The following NRXN3 variants were observed in gnomAD, a reference collection of about 807,000 sequenced individuals.
NRXN3 encodes neurexin 3, also known as neurexin III.
In NRXN3, 32 loss-of-function variants were observed where a neutral mutation model predicts 137.6. The observed-to-expected ratio is 0.23, with a 90% CI of 0.18 to 0.31. NRXN3 has a LOEUF of 0.31. Among genes scored for constraint, NRXN3 ranks in the 10% least tolerant of loss-of-function variants. The probability of loss-of-function intolerance (pLI) is 1.00; values close to 1 mark genes in which losing one functional copy is unlikely to be tolerated. For synonymous variants in NRXN3, 798 were observed against 784.5 expected, an observed-to-expected ratio of 1.02 and a Z score of -0.29; for missense variants, 1,574 against 2,062.5, an observed-to-expected ratio of 0.76 and a Z score of 4.59.
At chr14:78,442,937 A>G (rs2094306095) in intron 4 of NRXN3, among the ~76,000 whole-genome samples, 1 of 152,200 alleles carries the variant, frequency 6.6e-6, no homozygotes, top group Non-Finnish European at 1.5e-5. Flanking sequence ...TATTTATGGT[A>G]AACCTGAGAG....
At chr14:79,628,202 T>C (rs563651597) in intron 16 of NRXN3, among the ~76,000 whole-genome samples, 4 of 152,292 alleles carry the variant, frequency 2.6e-5, no homozygotes, top group Admixed American at 2.0e-4. Context: ...ATATGATCAA[T>C]TCAAATTGAC....
At chr14:79,676,598 AGAAAG>A (rs547677996) in intron 17 of NRXN3, among the ~76,000 whole-genome samples, 4 of 151,974 alleles carry the variant, frequency 2.6e-5, no homozygotes, top group Non-Finnish European at 5.9e-5. Context: ...CAAAGAAGAA[AGAAAG>A]GAAAGGGAGA....
intron 19 of NRXN3, among the ~76,000 whole-genome samples, chr14:79,699,898 G>A (rs2098748610): frequency 6.6e-6 from 1 of 151,956 alleles, no homozygotes; most frequent in Non-Finnish European, 1.5e-5. Context: ...CATCCTCTTG[G>A]AGGAAAGCCA....
At chr14:78,403,192 T>C (rs961949017) in intron 4 of NRXN3, among the ~76,000 whole-genome samples, 3 of 152,216 alleles carry the variant, frequency 2.0e-5, no homozygotes, top group Non-Finnish European at 4.4e-5. Flanking sequence ...CTTTTGCAGC[T>C]ACCTTGAAAC....
intron 10 of NRXN3, among the ~76,000 whole-genome samples, chr14:78,881,750 C>CT (rs1403099005): frequency 6.6e-6 from 1 of 151,724 alleles, no homozygotes; most frequent in Non-Finnish European, 1.5e-5. Context: ...AAATTTGTAG[C>CT]TTGCTGATGT....
At chr14:79,576,025 A>G (rs919961156) in intron 16 of NRXN3, among the ~76,000 whole-genome samples, 1 of 152,188 alleles carries the variant, frequency 6.6e-6, no homozygotes, top group Non-Finnish European at 1.5e-5. Flanking sequence ...CCAAAATGGT[A>G]TTCTTCTTAT....
At chr14:78,837,686 G>T (rs998337832) in intron 10 of NRXN3, among the ~76,000 whole-genome samples, 2 of 152,036 alleles carry the variant, frequency 1.3e-5, no homozygotes, top group East Asian at 1.9e-4. Flanking sequence ...GGTTCTTCTG[G>T]TCTCAGGCTT....
At chr14:79,131,639 G>C (rs572159923) in intron 15 of NRXN3, among the ~76,000 whole-genome samples, 24 of 152,318 alleles carry the variant, frequency 1.6e-4, no homozygotes, top group African/African-American at 5.8e-4. Flanking sequence ...TTGTTTGTCT[G>C]TGCCCTGCCC....
intron 15 of NRXN3, among the ~76,000 whole-genome samples, chr14:79,323,656 G>A (rs1054328922): frequency 5.3e-5 from 8 of 151,846 alleles, no homozygotes; most frequent in African/African-American, 9.7e-5. Flanking sequence ...CCAAGAGATC[G>A]AGACCATCCT....
chr14:79,105,188 C>T (rs1435846337), intron 15 of NRXN3, among the ~76,000 whole-genome samples: 1 of 151,992 alleles, frequency 6.6e-6, no homozygotes, highest in African/African-American at 2.4e-5. Flanking sequence ...CATAGATATG[C>T]CACCATCAGA....
rs778349698 is a variant in NRXN3 at position 78,242,679 on chromosome 14, C to T, written c.-415C>T. The stretch of plus-strand genomic sequence containing the variant: ...TCCCTGGCTGGGGCATTTGGGGGTC[C>T]GCTGGGAGGAGTGCATCGCTGAAGG... On this transcript the variant is annotated 5_prime_UTR_variant, in exon 2 of 21. Transcript: ENST00000335750. The T allele has an allele frequency of 6.0e-5, 10 of 167,120 alleles. No individual in the cohort carries two copies. Among genetic ancestry groups the T allele is most frequent in the East Asian group, 5.2e-4 (3 of 5,722 alleles). 10.4% of individuals were successfully genotyped at this position (167,120 alleles called of 1,614,324 possible).
chr14:78,947,183 G>A lies in NRXN3; in HGVS notation c.2276-10059G>A, dbSNP rs528148438. Among the ~76,000 whole-genome samples, 9 of 152,260 alleles carry A rather than the reference G, an allele frequency of 5.9e-5. No individual in the cohort carries two copies. In the East Asian group the frequency reaches 1.2e-3, roughly 20 times the overall value. On this transcript the variant is annotated intron_variant, in intron 10 of 20. Coordinates refer to ENST00000335750, the MANE Select transcript of NRXN3 (RefSeq NM_001330195.2). The stretch of plus-strand genomic sequence containing the variant: ...GCCAGGAGTAAGACCATTCTGTGTG[G>A]CAGCTACCTCTGTCCACAGTGGGTG...
chr14:79,579,307 T>C (rs1299457967), intron 16 of NRXN3, among the ~76,000 whole-genome samples: 1 of 147,828 alleles, frequency 6.8e-6, no homozygotes, highest in Non-Finnish European at 1.5e-5. Flanking sequence ...TAAATGTTGG[T>C]TTAAGCAAAT....
intron 6 of NRXN3, among the ~76,000 whole-genome samples, chr14:78,657,997 C>T (rs1251687348): frequency 2.0e-5 from 3 of 152,102 alleles, no homozygotes; most frequent in Non-Finnish European, 4.4e-5. Flanking sequence ...ATCTCCGTTC[C>T]GTTTTTCTCT....
At chr14:79,465,184 C>T (rs1200431947) in intron 15 of NRXN3, among the ~76,000 whole-genome samples, 12 of 152,124 alleles carry the variant, frequency 7.9e-5, no homozygotes, top group African/African-American at 2.9e-4. Flanking sequence ...TAACCATCTA[C>T]AGAGGAATTA....
intron 20 of NRXN3, among the ~76,000 whole-genome samples, chr14:79,834,616 A>C (rs1020419630): frequency 2.0e-5 from 3 of 152,138 alleles, no homozygotes; most frequent in South Asian, 2.1e-4. Flanking sequence ...CATGACACAA[A>C]AGGGGCTAGT....
chr14:78,665,012 T>A (rs571017197), intron 6 of NRXN3, among the ~76,000 whole-genome samples: 6 of 152,348 alleles, frequency 3.9e-5, no homozygotes, highest in Admixed American at 1.3e-4. Context: ...ATGGAATGCC[T>A]ACTCTGTCAT....
chr14:78,507,438 G>A lies in NRXN3; in HGVS notation c.758-137682G>A, dbSNP rs550793437. ...CATTACTACAGATGGTCACTGCCCC[G>A]GGGCCAGGGCCATGCCACTTTTCTC... On this transcript the variant is annotated intron_variant, in intron 4 of 20. Coordinates refer to ENST00000335750, the MANE Select transcript of NRXN3 (RefSeq NM_001330195.2). 2.2e-4 allele frequency among the ~76,000 whole-genome samples: 34 copies of A among 152,256 alleles called. 1 individual carries two copies. The East Asian group carries it at 6.4e-3, about 28-fold the overall frequency.
intron 4 of NRXN3, among the ~76,000 whole-genome samples, chr14:78,434,775 G>A (rs2094006152): frequency 6.6e-6 from 1 of 152,148 alleles, no homozygotes; most frequent in African/African-American, 2.4e-5. Flanking sequence ...GTGGGTGAAG[G>A]CCATGATCAA....
Sources: gnomAD v4.1 joint callset for allele counts (sites outside exome capture counted in the v4.1 genomes callset) on GRCh38, gnomAD v4.1.1 for gene constraint, MANE v1.5 for transcripts, NCBI Gene and HGNC (gene_info 2026-07-23, HGNC 2026-07-21) for gene names.